The following SAMD7 variants were observed in gnomAD, a reference collection of about 807,000 sequenced individuals.
SAMD7 encodes sterile alpha motif domain containing 7.
SAMD7 carries 34 observed loss-of-function variants against 36.7 expected under a neutral mutation model. The ratio of observed to expected loss-of-function variants is 0.93; its 90% CI spans 0.71 to 1.23. SAMD7 has a LOEUF of 1.23. Among genes scored for constraint, SAMD7 ranks in the 50% most tolerant of loss-of-function variants. The pLI is 0.00. For synonymous variants in SAMD7, 188 were observed against 189.7 expected (o/e 0.99, Z 0.07); for missense variants, 570 against 546.6 (o/e 1.04, Z -0.43).
At chr3:169,929,937 G>A (rs1473367535) in intron 7 of SAMD7, among the ~76,000 whole-genome samples, 1 of 152,118 alleles carries the variant, frequency 6.6e-6, no homozygotes, top group Non-Finnish European at 1.5e-5. Flanking sequence ...CTTTTTAAAT[G>A]TATCTATACC....
chr3:169,928,548 CA>C lies in SAMD7; in HGVS notation c.1012del (p.Ser338AlafsTer36). The C allele has an allele frequency of 6.2e-7, 1 of 1,614,070 alleles. No homozygotes were observed. ...TGGATGATGTGCACAGCTTCATTCG[CA>C]GCCTTCCAGGTTGTTCAGACTATGC... ...TVDDVHSFIR[S>X]LPGCSDYAQV... On this transcript the variant is annotated frameshift_variant, in exon 7 of 9. Coordinates refer to ENST00000335556, the MANE Select transcript of SAMD7 (RefSeq NM_001304366.2). LOFTEE classifies it high-confidence loss of function.
chr3:169,938,452 TC>T lies in SAMD7; in HGVS notation c.1291del (p.Gln431ArgfsTer4). On this transcript the variant is annotated frameshift_variant, in exon 9 of 9. Coordinates refer to ENST00000335556, the MANE Select transcript of SAMD7 (RefSeq NM_001304366.2). LOFTEE classifies it high-confidence loss of function. ...GGAGTGATACAATGAACATTTTTTG[TC>T]CCCAGGATACAATAATTCCTAAAGG... ...SWSDTMNIFC[P>X]QDTIIPKGIE... 1 of 1,613,340 alleles carries T rather than the reference TC, an allele frequency of 6.2e-7. No homozygotes were observed. Among genetic ancestry groups the T allele is most frequent in the Non-Finnish European group, 8.5e-7 (1 of 1,179,304 alleles).
chr3:169,926,468 C>A, intron 5 of SAMD7, 85 bp from the exon 6 acceptor site: 1 of 1,363,032 alleles, frequency 7.3e-7, no homozygotes, highest in Non-Finnish European at 1.0e-6. Flanking sequence ...AGTGTGAGGA[C>A]TATTTTAGGG....
Position 169,926,964 on chromosome 3 carries a change from C to G in SAMD7, c.702C>G (p.Asn234Lys). 1.9e-6 allele frequency: 3 copies of G among 1,614,050 alleles called. No homozygotes were observed. Among genetic ancestry groups the G allele is most frequent in the Non-Finnish European group, 2.5e-6 (3 of 1,180,016 alleles). Residue 234 changes from asparagine to lysine, a missense_variant, in exon 6 of 9, where the codon AAC (asparagine) becomes AAG (lysine). Transcript: ENST00000335556. ...ACCCAGACATTGAAGCACCCAGCAA[C>G]CAGAAGTCAAGTGAAACGAATGAAA... Reference protein sequence around the residue: ...AKDPDIEAPSNQKSSETNEKP... With the variant: ...AKDPDIEAPSKQKSSETNEKP...
chr3:169,930,157 T>C lies in SAMD7; in HGVS notation c.1041+1579T>C, dbSNP rs142057501. Among the ~76,000 whole-genome samples, 4 of 152,338 alleles carry C rather than the reference T, an allele frequency of 2.6e-5. No individual in the cohort carries two copies. The East Asian group carries it at 7.7e-4, about 29-fold the overall frequency. ...ATAATATTACATGCTTTTCATAGTTTAAAATCCCAAATGTCCCCTTGTGGG... is the reference window on the plus strand; with the variant it reads ...ATAATATTACATGCTTTTCATAGTTCAAAATCCCAAATGTCCCCTTGTGGG... On this transcript the variant is annotated intron_variant, in intron 7 of 8. Transcript: ENST00000335556.
Position 169,921,263 on chromosome 3 carries a change from G to A in SAMD7, c.136G>A (p.Val46Ile), listed in dbSNP as rs138587022. ...VAPTDPRQFC[V>I]PSQFGSSVLP... is the part of the protein sequence containing the mutation. ...TCCAACTGACCCAAGACAGTTTTGC[G>A]TTCCTTCCCAATTTGGATCCTCTGT... Residue 46 changes from valine (V) to isoleucine (I), a missense_variant, in exon 4 of 9, where the codon GTT becomes ATT. Physicochemically the swap from Val to Ile is conservative, Grantham distance 29. Coordinates refer to ENST00000335556, the MANE Select transcript of SAMD7 (RefSeq NM_001304366.2). The A allele has an allele frequency of 9.7e-5, 156 of 1,613,868 alleles. No homozygotes were observed. The highest frequency in any genetic ancestry group is 6.4e-4 in the South Asian group (58 of 91,068).
chr3:169,922,762 G>A (rs895996320), intron 4 of SAMD7, among the ~76,000 whole-genome samples: 1 of 152,128 alleles, frequency 6.6e-6, no homozygotes, highest in African/African-American at 2.4e-5. Flanking sequence ...GCCTCCCAAA[G>A]TGCTGGGATT....
chr3:169,937,409 C>G (rs974357209), intron 8 of SAMD7, among the ~76,000 whole-genome samples: 4 of 152,166 alleles, frequency 2.6e-5, no homozygotes, highest in Non-Finnish European at 5.9e-5. Context: ...CTCCCTCCCC[C>G]CATCCCAACC....
chr3:169,914,072 C>T (rs1712704918), intron 1 of SAMD7, among the ~76,000 whole-genome samples: 1 of 152,104 alleles, frequency 6.6e-6, no homozygotes. Context: ...ATGTCCAACA[C>T]CAAGAGTGAA....
At chr3:169,928,433 C>G in intron 6 of SAMD7, 24 bp from the exon 7 acceptor site, 1 of 1,598,820 alleles carries the variant, frequency 6.3e-7, no homozygotes, top group South Asian at 1.1e-5. Context: ...GTATTTTATG[C>G]CACAATTTCT....
At chr3:169,936,986 G>A (rs994318934) in intron 8 of SAMD7, among the ~76,000 whole-genome samples, 1 of 152,088 alleles carries the variant, frequency 6.6e-6, no homozygotes, top group Admixed American at 6.5e-5. Context: ...AATAATAATA[G>A]TAAAATAATT....
In SAMD7 at chr3:169,938,650, C is replaced by T. The variant is rs1713812725; in HGVS notation, c.*144C>T. Reference sequence around the variant, plus strand: ...CTGGGGCTTTCATGGAGGAGACTTGCCCAAGGGGCTTCCCTGCCAGGGCTG... The same window carrying T: ...CTGGGGCTTTCATGGAGGAGACTTGTCCAAGGGGCTTCCCTGCCAGGGCTG... On this transcript the variant is annotated 3_prime_UTR_variant, in exon 9 of 9. Transcript: ENST00000335556. The T allele has an allele frequency of 3.5e-6, 2 of 578,448 alleles. No individual in the cohort carries two copies. Among genetic ancestry groups the T allele is most frequent in the Non-Finnish European group, 5.9e-6 (2 of 337,462 alleles). The allele number at this position is 578,448 out of a possible 1,614,324, so 35.8% of individuals were successfully genotyped here.
At chr3:169,933,190 T>C in intron 7 of SAMD7, 1 of 708,846 alleles carries the variant, frequency 1.4e-6, no homozygotes, top group Non-Finnish European at 2.7e-6. Flanking sequence ...CAGTTTGGGA[T>C]GGACACTGTA....
At chr3:169,914,782 G>A (rs1387192884) in intron 1 of SAMD7, among the ~76,000 whole-genome samples, 1 of 152,012 alleles carries the variant, frequency 6.6e-6, no homozygotes, top group African/African-American at 2.4e-5. Context: ...AAAAAATCCT[G>A]CTGTTTTGTT....
intron 7 of SAMD7, among the ~76,000 whole-genome samples, chr3:169,931,445 C>T (rs953317329): frequency 2.6e-5 from 4 of 151,856 alleles, no homozygotes; most frequent in African/African-American, 9.7e-5. Flanking sequence ...GTGGTTCCTC[C>T]TTTGGATGCT....
intron 2 of SAMD7, among the ~76,000 whole-genome samples, chr3:169,917,925 G>A (rs1471400429): frequency 6.6e-6 from 1 of 151,092 alleles, no homozygotes; most frequent in Admixed American, 6.6e-5. Context: ...ACAGGCATGA[G>A]CCACTGCACC....
In SAMD7 at chr3:169,936,469, C is replaced by T. The variant is rs1387478266; in HGVS notation, c.1152+20C>T. ...TCACAGGTATGGTGATTTTATATAA[C>T]TAATTATGTATTAATGGCACAAAGC... is the stretch of plus-strand genomic sequence containing the variant. On this transcript the variant is annotated intron_variant, in intron 8 of 8. Transcript: ENST00000335556. 2 of 1,288,050 alleles carry T rather than the reference C, an allele frequency of 1.6e-6. No individual in the cohort carries two copies. Among genetic ancestry groups the T allele is most frequent in the Non-Finnish European group, 2.3e-6 (2 of 886,560 alleles). 79.8% of individuals were successfully genotyped at this position (1,288,050 alleles called of 1,614,324 possible).
chr3:169,935,250 G>A (rs913650712), intron 7 of SAMD7, among the ~76,000 whole-genome samples: 2 of 152,160 alleles, frequency 1.3e-5, no homozygotes, highest in African/African-American at 4.8e-5. Context: ...GTTTAATGAT[G>A]GTGGAGACTT....
At chr3:169,938,038 T>G (rs1412431571) in intron 8 of SAMD7, among the ~76,000 whole-genome samples, 1 of 152,212 alleles carries the variant, frequency 6.6e-6, no homozygotes, top group East Asian at 1.9e-4. Flanking sequence ...ACCATTACCG[T>G]CCTGACCTCA....
Sources: gnomAD v4.1 joint callset for allele counts (sites outside exome capture counted in the v4.1 genomes callset) on GRCh38, gnomAD v4.1.1 for gene constraint, MANE v1.5 for transcripts, NCBI Gene and HGNC (gene_info 2026-07-23, HGNC 2026-07-21) for gene names.